The following RASA1 variants were observed in gnomAD, a reference collection of about 807,000 sequenced individuals.
RASA1 encodes the protein RAS p21 protein activator 1, also known as ras GTPase-activating protein 1.
In RASA1, 25 loss-of-function variants were observed where a neutral mutation model predicts 132.2. The observed-to-expected ratio is 0.19, with a 90% CI of 0.14 to 0.26. The LOEUF is 0.26. RASA1 is among the 10% of genes least tolerant of loss of function. RASA1 has a pLI of 1.00. For missense variants in RASA1, 964 were observed against 1,299.2 expected, an observed-to-expected ratio of 0.74 and a Z score of 3.97; for synonymous variants, 477 against 449.9, an observed-to-expected ratio of 1.06 and a Z score of -0.76.
chr5:87,391,097 C>T lies in RASA1; in HGVS notation c.*214C>T. Reference sequence around the variant, plus strand: ...GTGCAGGATATTTGCACTATTTCCACATGGAATCAATCTTTAACAACCTCT... The same window carrying T: ...GTGCAGGATATTTGCACTATTTCCATATGGAATCAATCTTTAACAACCTCT... On this transcript the variant is annotated 3_prime_UTR_variant, in exon 25 of 25. Coordinates refer to ENST00000274376, the MANE Select transcript of RASA1 (RefSeq NM_002890.3). 3 of 629,836 alleles carry T rather than the reference C, an allele frequency of 4.8e-6. No homozygotes were observed. Among genetic ancestry groups the T allele is most frequent in the Non-Finnish European group, 8.5e-6 (3 of 351,712 alleles). The allele number at this position is 629,836 out of a possible 1,614,324, so 39.0% of individuals were successfully genotyped here.
At chr5:87,287,342 A>G (rs1385655813) in intron 1 of RASA1, among the ~76,000 whole-genome samples, 3 of 147,874 alleles carry the variant, frequency 2.0e-5, no homozygotes, top group African/African-American at 7.5e-5. Context: ...CACACCATAT[A>G]TATACCATAT....
chr5:87,331,507 C>G lies in RASA1; in HGVS notation c.692+7C>G. ...ATGTTGTCAACCATTTTAGGTAAGTCTTTATTCCTATTATGAAGCCAAATG... is the reference window on the plus strand; with the variant it reads ...ATGTTGTCAACCATTTTAGGTAAGTGTTTATTCCTATTATGAAGCCAAATG... On this transcript the variant is annotated splice_region_variant and intron_variant, in intron 2 of 24. Transcript: ENST00000274376. The G allele has an allele frequency of 1.9e-6, 3 of 1,613,284 alleles. No homozygotes were observed. Among genetic ancestry groups the G allele is most frequent in the Non-Finnish European group, 1.7e-6 (2 of 1,179,468 alleles).
chr5:87,316,083 A>G (rs1051282770), intron 1 of RASA1, among the ~76,000 whole-genome samples: 2 of 152,240 alleles, frequency 1.3e-5, no homozygotes, highest in African/African-American at 4.8e-5. Context: ...TTTCAGAACT[A>G]TTAATGTTTA....
rs963875671 is a variant in RASA1 at position 87,267,957 on chromosome 5, C to A, written c.-495C>A. ...CCCCGCCCCCCTTTCTCTTGCCCCC[C>A]CACCCCTCTCATCTGCCTGGTGGAG... is the stretch of plus-strand genomic sequence containing the variant. On this transcript the variant is annotated 5_prime_UTR_variant, in exon 1 of 25. Coordinates refer to ENST00000274376, the MANE Select transcript of RASA1 (RefSeq NM_002890.3). 2.5e-6 allele frequency: 1 copy of A among 393,868 alleles called. No individual in the cohort carries two copies. Among genetic ancestry groups the A allele is most frequent in the Admixed American group, 4.4e-5 (1 of 22,526 alleles). The allele number at this position is 393,868 out of a possible 1,614,324, so 24.4% of individuals were successfully genotyped here. A position where few individuals can be genotyped will look rare whatever the true frequency, so the allele number is the denominator to read the frequency against.
intron 7 of RASA1, among the ~76,000 whole-genome samples, chr5:87,347,203 T>C (rs1333766937): frequency 6.6e-6 from 1 of 152,054 alleles, no homozygotes; most frequent in Non-Finnish European, 1.5e-5. Flanking sequence ...GATATTGTAT[T>C]GTTTTTATTC....
intron 1 of RASA1, among the ~76,000 whole-genome samples, chr5:87,297,212 A>G (rs567896744): frequency 2.0e-5 from 3 of 152,318 alleles, no homozygotes; most frequent in African/African-American, 7.2e-5. Flanking sequence ...TATTAATCAT[A>G]GTTTTAAAAA....
At chr5:87,353,041 G>T in intron 8 of RASA1, 116 bp from the exon 9 acceptor site, 3 of 718,622 alleles carry the variant, frequency 4.2e-6, no homozygotes, top group Non-Finnish European at 7.4e-6. Context: ...TTTGTGTTAT[G>T]TGCTTTGAAA....
intron 10 of RASA1, 140 bp downstream of exon 10, chr5:87,362,811 A>G (rs533602668): frequency 1.1e-6 from 1 of 935,910 alleles, no homozygotes; most frequent in East Asian, 2.6e-5. Flanking sequence ...ATATATAAGC[A>G]TTCTTCAAAA....
chr5:87,326,936 A>G (rs1348493499), intron 1 of RASA1, among the ~76,000 whole-genome samples: 1 of 152,208 alleles, frequency 6.6e-6, no homozygotes, highest in Non-Finnish European at 1.5e-5. Context: ...ACTGGAAAAT[A>G]GGTAATTGAG....
chr5:87,321,209 A>T (rs1446016826), intron 1 of RASA1, among the ~76,000 whole-genome samples: 2 of 152,190 alleles, frequency 1.3e-5, no homozygotes, highest in Non-Finnish European at 2.9e-5. Flanking sequence ...CTAGGAAGAT[A>T]AGAAGTGTTT....
intron 9 of RASA1, among the ~76,000 whole-genome samples, chr5:87,358,447 CTCT>C (rs1759819557): frequency 6.6e-6 from 1 of 152,134 alleles, no homozygotes; most frequent in African/African-American, 2.4e-5. Flanking sequence ...CTCAATTCTT[CTCT>C]TTTTTTCTTC....
At chr5:87,322,021 C>T (rs1756854536) in intron 1 of RASA1, among the ~76,000 whole-genome samples, 1 of 152,130 alleles carries the variant, frequency 6.6e-6, no homozygotes, top group Admixed American at 6.5e-5. Flanking sequence ...TGTGTGTCCC[C>T]TCCAAATCTC....
intron 22 of RASA1, 40 bp downstream of exon 22, chr5:87,385,429 G>A: frequency 6.9e-7 from 1 of 1,440,156 alleles, no homozygotes; most frequent in South Asian, 1.2e-5. Context: ...ATTTATGAAT[G>A]CAAGTTTGAC....
chr5:87,303,783 T>G (rs1755483115), intron 1 of RASA1, among the ~76,000 whole-genome samples: 1 of 151,712 alleles, frequency 6.6e-6, no homozygotes, highest in Admixed American at 6.6e-5. Flanking sequence ...CACCAATTTC[T>G]AATGAATTGA....
At chr5:87,380,638 T>C in intron 20 of RASA1, 43 bp downstream of exon 20, 1 of 1,480,486 alleles carries the variant, frequency 6.8e-7, no homozygotes, top group Non-Finnish European at 9.4e-7. Context: ...TACTAATAGG[T>C]GGATAATTGT....
At chr5:87,289,292 T>C (rs965967638) in intron 1 of RASA1, among the ~76,000 whole-genome samples, 5 of 152,232 alleles carry the variant, frequency 3.3e-5, no homozygotes, top group African/African-American at 1.2e-4. Context: ...CTATTGATGA[T>C]GTACCTAAGT....
intron 9 of RASA1, among the ~76,000 whole-genome samples, chr5:87,358,948 A>G (rs565801134): frequency 8.1e-6 from 1 of 124,002 alleles, no homozygotes; most frequent in East Asian, 2.6e-4. Flanking sequence ...AAATTAGCAA[A>G]TGACACTTTA....
intron 4 of RASA1, 90 bp from the exon 5 acceptor site, chr5:87,337,884 C>CT: frequency 1.5e-6 from 2 of 1,331,796 alleles, no homozygotes; most frequent in Admixed American, 5.1e-5. Context: ...CAATATAATA[C>CT]TATCCCTATC....
At chr5:87,319,481 CA>C (rs1756614347) in intron 1 of RASA1, among the ~76,000 whole-genome samples, 1 of 152,234 alleles carries the variant, frequency 6.6e-6, no homozygotes. Flanking sequence ...TTTGTGCACC[CA>C]CAGACCCAAC....
Sources: allele counts gnomAD v4.1 joint callset (sites outside exome capture counted in the v4.1 genomes callset), GRCh38; gene constraint gnomAD v4.1.1; transcripts MANE v1.5; gene names NCBI Gene and HGNC (gene_info 2026-07-23, HGNC 2026-07-21).